FRMD4A: variants seen among roughly 807,000 people sequenced by gnomAD.
FRMD4A encodes FERM domain containing 4A.
FRMD4A carries 29 observed loss-of-function variants against 129.1 expected under a neutral mutation model. That is an observed-to-expected ratio of 0.22 (90% CI 0.17 to 0.31). FRMD4A has a LOEUF of 0.31. FRMD4A is among the 10% of genes least tolerant of loss of function. FRMD4A has a pLI of 1.00. For synonymous variants in FRMD4A, 634 were observed against 571.6 expected, an observed-to-expected ratio of 1.11 and a Z score of -1.56; for missense variants, 1,272 against 1,375.8, an observed-to-expected ratio of 0.92 and a Z score of 1.19.
At chr10:14,269,224 G>T (rs149150865) in intron 2 of FRMD4A, among the ~76,000 whole-genome samples, 40 of 152,314 alleles carry the variant, frequency 2.6e-4, no homozygotes, top group Admixed American at 4.6e-4. Flanking sequence ...GCTCAAAACA[G>T]CAACTGTAGC....
chr10:14,239,249 A>C (rs1358312188), intron 2 of FRMD4A, among the ~76,000 whole-genome samples: 1 of 152,232 alleles, frequency 6.6e-6, no homozygotes, highest in African/African-American at 2.4e-5. Flanking sequence ...TAATAGACTC[A>C]TGGATCTCCT....
At chr10:13,739,695 A>C (rs1334897590) in intron 11 of FRMD4A, among the ~76,000 whole-genome samples, 1 of 152,230 alleles carries the variant, frequency 6.6e-6, no homozygotes, top group Non-Finnish European at 1.5e-5. Context: ...CCACAGGTTG[A>C]AGCAAGTTAA....
At chr10:14,207,405 A>G (rs78917774) in intron 2 of FRMD4A, among the ~76,000 whole-genome samples, 1,640 of 152,032 alleles carry the variant, frequency 0.011, 29 homozygotes, top group African/African-American at 0.038. Context: ...TAATTCTACA[A>G]CTCACTATCA....
At chr10:14,003,188 C>T (rs74595823) in intron 2 of FRMD4A, among the ~76,000 whole-genome samples, 3,984 of 152,068 alleles carry the variant, frequency 0.026, 60 homozygotes, top group African/African-American at 0.035. Context: ...GGCTGCACCA[C>T]GGAATAGAGG....
chr10:13,836,057 G>A (rs2130956293), intron 3 of FRMD4A, among the ~76,000 whole-genome samples: 1 of 152,268 alleles, frequency 6.6e-6, no homozygotes. Context: ...GAGTGCAGTG[G>A]CACGATCTCA....
At chr10:13,700,820 CTTTTTTTTT>C (rs71503097) in intron 14 of FRMD4A, among the ~76,000 whole-genome samples, 27 of 44,714 alleles carry the variant, frequency 6.0e-4, no homozygotes, top group South Asian at 1.5e-3. Context: ...AGGGTAGTTG[CTTTTTTTTT>C]TTTTTTTTTT....
chr10:13,782,969 C>T lies in FRMD4A; in HGVS notation c.337G>A (p.Ala113Thr). 1 of 1,510,530 alleles carries T rather than the reference C, an allele frequency of 6.6e-7. No homozygotes were observed. Among genetic ancestry groups the T allele is most frequent in the Non-Finnish European group, 9.2e-7 (1 of 1,085,320 alleles). The allele number at this position is 1,510,530 out of a possible 1,614,324, so 93.6% of individuals were successfully genotyped here. The change falls in exon 6 of 25, where the codon GCT becomes ACT. Residue 113 changes from alanine (A) to threonine (T), a missense_variant. By Grantham distance (58) the Ala-to-Thr change is moderately conservative (BLOSUM62 0). Around this residue, in one of 2 missense-constraint regions of FRMD4A, gnomAD observed 300 missense variants for 483.6 expected, o/e 0.62. Transcript: ENST00000357447. ...TTCAGAAAGAAAAGCTCAATGGTAGCATTATCCTTCAGGTATGAAATGCTT... is the reference window on the plus strand; with the variant it reads ...TTCAGAAAGAAAAGCTCAATGGTAGTATTATCCTTCAGGTATGAAATGCTT... The part of the protein sequence containing the change: ...IESISYLKDN[A>T]TIELFFLNAK...
At chr10:13,814,667 G>C (rs892783360) in intron 3 of FRMD4A, among the ~76,000 whole-genome samples, 1 of 147,040 alleles carries the variant, frequency 6.8e-6, no homozygotes, top group Non-Finnish European at 1.5e-5. Flanking sequence ...CAGAAACAGA[G>C]AGCAAGAGAA....
Position 14,152,591 on chromosome 10 carries a change from T to C in FRMD4A, c.45+177467A>G, listed in dbSNP as rs1439608948. Among the ~76,000 whole-genome samples, 4 of 152,142 alleles carry C rather than the reference T, an allele frequency of 2.6e-5. No homozygotes were observed. The East Asian group carries it at 7.7e-4, about 29-fold the overall frequency. On this transcript the variant is annotated intron_variant, in intron 2 of 24. Transcript: ENST00000357447. ...CATTGTGAAGCCTGTGCATTAAGAA[T>C]AGAGAGAAGCCGGGCGCGGTGGCTC... is the stretch of plus-strand genomic sequence containing the variant.
chr10:13,788,477 C>T (rs10796130), intron 5 of FRMD4A, among the ~76,000 whole-genome samples: 41,303 of 152,226 alleles, frequency 0.27, 6,038 homozygotes, highest in East Asian at 0.43. Flanking sequence ...GTGGCCCCTT[C>T]TCCCAGGAAC....
At position 13,821,946 on chromosome 10, in the gene FRMD4A, C is replaced by T. The variant is rs1197695465; in HGVS notation, c.112-11038G>A. 6.6e-6 allele frequency among the ~76,000 whole-genome samples: 1 copy of T among 152,088 alleles called. No individual in the cohort carries two copies. The highest frequency in any genetic ancestry group is 1.5e-5 in the Non-Finnish European group (1 of 68,018). ...CCATCCTTTGCCCCCGCTAATGTTA[C>T]ACTTAGGGGACAGAGCAGGTCTCGA... is the stretch of plus-strand genomic sequence containing the variant. On this transcript the variant is annotated intron_variant, in intron 3 of 24. Coordinates refer to ENST00000357447, the MANE Select transcript of FRMD4A (RefSeq NM_018027.5). This position sits in a 1 kb window ranked among gnomAD's most constrained non-coding sequence, Gnocchi z 4.3.
rs147581510 is a variant in FRMD4A, at chr10:14,245,849, C to T, written c.45+84209G>A. Among the ~76,000 whole-genome samples the T allele has an allele frequency of 4.3e-4, 66 of 152,230 alleles. No individual in the cohort carries two copies. In the East Asian group the frequency reaches 0.011, roughly 24 times the overall value. Reference sequence around the variant, plus strand: ...CCTCCCAGTCTGTGGTGCTTTATTACGGCAGCCCAAGCAAACTCATACAAG... The same window carrying T: ...CCTCCCAGTCTGTGGTGCTTTATTATGGCAGCCCAAGCAAACTCATACAAG... On this transcript the variant is annotated intron_variant, in intron 2 of 24. Transcript: ENST00000357447.
rs781426735 is a variant in FRMD4A at position 13,660,522 on chromosome 10, G to T, written c.1692C>A (p.Pro564=). 8 of 1,612,484 alleles carry T rather than the reference G, an allele frequency of 5.0e-6. No homozygotes were observed. The highest frequency in any genetic ancestry group is 3.3e-5 in the South Asian group (3 of 90,998). ...EDSQVTSTIS[P]LHSPHKGLPP... ...GGAGTCCCTTGTGAGGAGAATGTAG[G>T]GGGGATATTGTGCTGGTAACCTGAG... Residue 564 remains proline (P), a synonymous_variant, in exon 20 of 25, where the codon CCC becomes CCA. Transcript: ENST00000357447.
At chr10:13,838,060 G>A (rs2093903174) in intron 3 of FRMD4A, among the ~76,000 whole-genome samples, 2 of 152,040 alleles carry the variant, frequency 1.3e-5, no homozygotes, top group South Asian at 4.2e-4. Flanking sequence ...CACATCACAG[G>A]AAAGATTGCT....
At chr10:13,676,373 T>G (rs562273861) in intron 15 of FRMD4A, among the ~76,000 whole-genome samples, 2 of 151,652 alleles carry the variant, frequency 1.3e-5, no homozygotes, top group African/African-American at 4.9e-5. Flanking sequence ...GAGATTCTCC[T>G]GCCTCAGCCT....
chr10:13,912,145 C>A (rs954934059), intron 2 of FRMD4A, among the ~76,000 whole-genome samples: 8 of 152,082 alleles, frequency 5.3e-5, no homozygotes. Context: ...TGACAATGAA[C>A]CCTTTATATT....
intron 2 of FRMD4A, among the ~76,000 whole-genome samples, chr10:13,974,725 C>T (rs1231427596): frequency 1.3e-5 from 2 of 152,128 alleles, no homozygotes; most frequent in Admixed American, 6.6e-5. Context: ...TGGGGTTTCA[C>T]CACGTTGGCC....
chr10:14,318,324 C>A (rs1409063141), intron 2 of FRMD4A, among the ~76,000 whole-genome samples: 49 of 149,960 alleles, frequency 3.3e-4, no homozygotes, highest in Admixed American at 3.1e-3. Flanking sequence ...TATATCCCCC[C>A]CCACCTTTTT....
chr10:14,264,735 A>AT (rs1564426657), intron 2 of FRMD4A, among the ~76,000 whole-genome samples: 1 of 152,190 alleles, frequency 6.6e-6, no homozygotes, highest in African/African-American at 2.4e-5. Context: ...GAAAGAACTA[A>AT]TTTTTTAACA....
Sources: gnomAD v4.1 joint callset for allele counts (sites outside exome capture counted in the v4.1 genomes callset) on GRCh38, gnomAD v4.1.1 for gene constraint, gnomAD v4.1.1 regional missense constraint, Gnocchi (gnomAD v3.1) non-coding constraint, MANE v1.5 for transcripts, NCBI Gene and HGNC (gene_info 2026-07-23, HGNC 2026-07-21) for gene names.